Variants in FNDC3B observed in about 807,000 individuals in gnomAD.
FNDC3B encodes fibronectin type III domain containing 3B, also known as fibronectin type III domain-containing protein 3B.
In FNDC3B, 12 loss-of-function variants were observed where a neutral mutation model predicts 151.5. The observed-to-expected ratio is 0.08, with a 90% CI of 0.05 to 0.13. FNDC3B has a LOEUF of 0.13. Ranked by LOEUF, FNDC3B falls within the 10% of genes least tolerant of loss-of-function variation. The probability of loss-of-function intolerance (pLI) is 1.00; values close to 1 mark genes in which losing one functional copy is unlikely to be tolerated. For synonymous variants in FNDC3B, 528 were observed against 549.0 expected (o/e 0.96, Z 0.54); for missense variants, 1,214 against 1,505.3 (o/e 0.81, Z 3.20).
intron 3 of FNDC3B, among the ~76,000 whole-genome samples, chr3:172,181,396 AAAAAAAAAAAAAAAAAAAC>A (rs1472962800): frequency 1.2e-4 from 2 of 16,844 alleles, no homozygotes; most frequent in Admixed American, 3.9e-4. Flanking sequence ...CTCTGTCTCC[AAAAAAAAAAAAAAAAAAAC>A]AAAAAAAAAC....
chr3:172,348,946 A>T (rs909253512), intron 21 of FNDC3B, among the ~76,000 whole-genome samples: 1 of 152,170 alleles, frequency 6.6e-6, no homozygotes, highest in Non-Finnish European at 1.5e-5. Context: ...ATTCAACATG[A>T]TTACAAAGTC....
intron 6 of FNDC3B, among the ~76,000 whole-genome samples, chr3:172,253,861 C>A (rs999828527): frequency 6.6e-6 from 1 of 151,826 alleles, no homozygotes; most frequent in Non-Finnish European, 1.5e-5. Context: ...CTCACTGCAA[C>A]CTCCGCCTCC....
intron 3 of FNDC3B, among the ~76,000 whole-genome samples, chr3:172,156,632 A>T (rs1271415970): frequency 6.6e-6 from 1 of 151,802 alleles, no homozygotes; most frequent in Non-Finnish European, 1.5e-5. Flanking sequence ...TGCTAATTGA[A>T]CCTGGAAAAC....
At position 172,072,810 on chromosome 3, in the gene FNDC3B, A is replaced by C. The variant is rs796478348; in HGVS notation, c.-29+33039A>C. Among the ~76,000 whole-genome samples the C allele has an allele frequency of 3.1e-4, 47 of 152,362 alleles. 1 individual carries two copies. The highest frequency in any genetic ancestry group is 1.0e-3 in the African/African-American group (43 of 41,576). The stretch of plus-strand genomic sequence containing the variant: ...GAGCTCCCATCTATGAAAATACATC[A>C]AGAAAACTCAGTGGTAATGAAGCTA... On this transcript the variant is annotated intron_variant, in intron 1 of 25. Coordinates refer to ENST00000415807, the MANE Select transcript of FNDC3B (RefSeq NM_022763.4).
intron 2 of FNDC3B, among the ~76,000 whole-genome samples, chr3:172,116,043 A>G (rs1431918388): frequency 6.6e-6 from 1 of 152,116 alleles, no homozygotes; most frequent in East Asian, 1.9e-4. Context: ...CACACTGTTA[A>G]TTTTCATTAT....
At position 172,275,303 on chromosome 3, in the gene FNDC3B, G is replaced by T. The variant is rs561369784; in HGVS notation, c.791-10623G>T. On this transcript the variant is annotated intron_variant, in intron 6 of 25. Transcript: ENST00000415807. Reference sequence around the variant, plus strand: ...AATAGAACACTAGTTTCATTCTGAGGGGGGGAAATATACATGCAGAAGACA... The same window carrying T: ...AATAGAACACTAGTTTCATTCTGAGTGGGGGAAATATACATGCAGAAGACA... Among the ~76,000 whole-genome samples the T allele has an allele frequency of 6.5e-4, 99 of 152,182 alleles. 1 individual carries two copies. In the South Asian group the frequency reaches 0.02, roughly 31 times the overall value.
chr3:172,124,186 GT>G (rs1470658860), intron 2 of FNDC3B, among the ~76,000 whole-genome samples: 17 of 152,096 alleles, frequency 1.1e-4, no homozygotes, highest in Non-Finnish European at 2.1e-4. Context: ...TGCCTCCCTG[GT>G]TCAAGCAATT....
At chr3:172,387,225 G>A (rs1455918618) in intron 25 of FNDC3B, among the ~76,000 whole-genome samples, 1 of 152,046 alleles carries the variant, frequency 6.6e-6, no homozygotes, top group African/African-American at 2.4e-5. Flanking sequence ...CCAAAATGCT[G>A]GATTACAGGC....
At chr3:172,315,820 A>G (rs1333641124) in intron 11 of FNDC3B, among the ~76,000 whole-genome samples, 1 of 151,828 alleles carries the variant, frequency 6.6e-6, no homozygotes, top group African/African-American at 2.4e-5. Flanking sequence ...TAGATTTTTC[A>G]AGGTATAGGT....
rs184784692 is a variant in FNDC3B at position 172,130,866 on chromosome 3, C to A, written c.112-2605C>A. Among the ~76,000 whole-genome samples, 1,021 of 152,238 alleles carry A rather than the reference C, an allele frequency of 6.7e-3. 5 individuals carry two copies. Among genetic ancestry groups the A allele is most frequent in the Admixed American group, 0.013 (202 of 15,288 alleles). On this transcript the variant is annotated intron_variant, in intron 2 of 25. Transcript: ENST00000415807. Reference sequence around the variant, plus strand: ...ATCCATTGGTTCCCCCCTCCCCCAGCTAATTAATTCCATGGGCATATATTA... The same window carrying A: ...ATCCATTGGTTCCCCCCTCCCCCAGATAATTAATTCCATGGGCATATATTA...
intron 13 of FNDC3B, 66 bp downstream of exon 13, chr3:172,330,781 C>A: frequency 7.7e-7 from 1 of 1,291,792 alleles, no homozygotes; most frequent in Non-Finnish European, 1.1e-6. Flanking sequence ...AGCTACAGGG[C>A]ACCATGAAAT....
At chr3:172,291,970 C>A (rs990829410) in intron 7 of FNDC3B, among the ~76,000 whole-genome samples, 2 of 152,118 alleles carry the variant, frequency 1.3e-5, no homozygotes, top group African/African-American at 4.8e-5. Flanking sequence ...CATTACCTCC[C>A]AGGACACTTG....
intron 1 of FNDC3B, among the ~76,000 whole-genome samples, chr3:172,055,036 T>C (rs1034770513): frequency 3.3e-5 from 5 of 152,224 alleles, no homozygotes; most frequent in Non-Finnish European, 7.3e-5. Context: ...TTGGACTCTC[T>C]TCTCTCTAAC....
At chr3:172,392,810 C>CTTTCTTTTTTTTTTTTTTTTTTTTT (rs1491505881) in intron 25 of FNDC3B, among the ~76,000 whole-genome samples, 1 of 99,874 alleles carries the variant, frequency 1.0e-5, no homozygotes, top group African/African-American at 3.6e-5. Flanking sequence ...TTTTTTTTTT[C>CTTTCTTTTTTTTTTTTTTTTTTTTT]TTTTTTTTTT....
chr3:172,146,202 A>C (rs9858290), intron 3 of FNDC3B, among the ~76,000 whole-genome samples: 81,053 of 152,010 alleles, frequency 0.53, 21,701 homozygotes, highest in East Asian at 0.58. Context: ...CTAGGATTAA[A>C]TTGGTTAATT....
At chr3:172,192,534 A>C (rs1724580325) in intron 3 of FNDC3B, among the ~76,000 whole-genome samples, 1 of 152,010 alleles carries the variant, frequency 6.6e-6, no homozygotes, top group South Asian at 2.1e-4. Flanking sequence ...AAGTAAACAA[A>C]GATTTTACAG....
chr3:172,390,480 G>A (rs1735951207), intron 25 of FNDC3B, among the ~76,000 whole-genome samples: 2 of 151,284 alleles, frequency 1.3e-5, no homozygotes, highest in African/African-American at 2.4e-5. Context: ...AATATATGAA[G>A]TCTTTGTTCA....
At chr3:172,290,939 A>C (rs976713695) in intron 7 of FNDC3B, among the ~76,000 whole-genome samples, 3 of 152,244 alleles carry the variant, frequency 2.0e-5, no homozygotes, top group East Asian at 3.8e-4. Flanking sequence ...CCTCCCACAT[A>C]GTTCAATCCA....
intron 10 of FNDC3B, among the ~76,000 whole-genome samples, chr3:172,309,441 T>G (rs1468543492): frequency 2.1e-5 from 3 of 142,212 alleles, no homozygotes; most frequent in African/African-American, 9.2e-5. Flanking sequence ...CAAAGAACAG[T>G]TTTTTTTTGA....
Sources: allele counts gnomAD v4.1 joint callset (sites outside exome capture counted in the v4.1 genomes callset), GRCh38; gene constraint gnomAD v4.1.1; transcripts MANE v1.5; gene names NCBI Gene and HGNC (gene_info 2026-07-23, HGNC 2026-07-21).